DNER: variants seen among roughly 807,000 people sequenced by gnomAD.
DNER encodes delta and Notch-like epidermal growth factor-related receptor.
DNER carries 33 observed loss-of-function variants against 78.2 expected under a neutral mutation model. The ratio of observed to expected loss-of-function variants is 0.42; its 90% CI spans 0.32 to 0.56. DNER has a LOEUF of 0.56. Ranked by LOEUF, DNER falls within the 20% of genes least tolerant of loss-of-function variation. The probability of loss-of-function intolerance (pLI) is 0.11; values close to 1 mark genes in which losing one functional copy is unlikely to be tolerated. For synonymous variants in DNER, 417 were observed against 384.8 expected, an observed-to-expected ratio of 1.08 and a Z score of -0.98; for missense variants, 918 against 975.3, an observed-to-expected ratio of 0.94 and a Z score of 0.78.
intron 1 of DNER, among the ~76,000 whole-genome samples, chr2:229,663,966 T>C (rs1306397590): frequency 6.6e-6 from 1 of 152,146 alleles, no homozygotes; most frequent in African/African-American, 2.4e-5. Flanking sequence ...TGTGTGCAAT[T>C]TTTGATCTCT....
chr2:229,571,962 C>G (rs969941373), intron 4 of DNER, among the ~76,000 whole-genome samples: 1 of 152,124 alleles, frequency 6.6e-6, no homozygotes, highest in Non-Finnish European at 1.5e-5. Flanking sequence ...ACCAGCACCC[C>G]CTCCTCTACT....
chr2:229,430,880 C>T (rs1465008345), intron 8 of DNER, among the ~76,000 whole-genome samples: 2 of 151,794 alleles, frequency 1.3e-5, no homozygotes, highest in Non-Finnish European at 2.9e-5. Context: ...TAGAAAAACC[C>T]TAACTTTTTA....
chr2:229,554,935 G>GAGA lies in DNER; in HGVS notation c.848-7846_848-7844dup, dbSNP rs1459634550. Among the ~76,000 whole-genome samples the GAGA allele has an allele frequency of 3.3e-3, 174 of 52,016 alleles. 28 individuals are homozygous for GAGA. The highest frequency in any genetic ancestry group is 5.2e-3 in the Non-Finnish European group (125 of 24,166). 34.1% of individuals were successfully genotyped at this position (52,016 alleles called of 152,430 possible). ...GAGAAGAGAAGAGAAGAGAAGAGAA[G>GAGA]AGAGAAAAGGGAAGGGAAGGGAAGG... On this transcript the variant is annotated intron_variant, in intron 4 of 12. Coordinates refer to ENST00000341772, the MANE Select transcript of DNER (RefSeq NM_139072.4).
At chr2:229,487,180 C>A (rs978509984) in intron 6 of DNER, among the ~76,000 whole-genome samples, 1 of 152,150 alleles carries the variant, frequency 6.6e-6, no homozygotes, top group Admixed American at 6.5e-5. Flanking sequence ...AGGTCTTGGG[C>A]TCAATTATTG....
intron 1 of DNER, among the ~76,000 whole-genome samples, chr2:229,629,815 A>G (rs1698404781): frequency 6.6e-6 from 1 of 152,188 alleles, no homozygotes; most frequent in Admixed American, 6.5e-5. Context: ...AGGTGACTTT[A>G]TCTTTGATAG....
intron 7 of DNER, among the ~76,000 whole-genome samples, chr2:229,453,876 A>G (rs917120462): frequency 2.0e-5 from 3 of 151,260 alleles, no homozygotes; most frequent in Non-Finnish European, 4.4e-5. Context: ...GCTAAGTTTC[A>G]AGAAAGAAAG....
intron 6 of DNER, among the ~76,000 whole-genome samples, chr2:229,509,499 G>A (rs900193749): frequency 2.0e-5 from 3 of 152,250 alleles, no homozygotes; most frequent in African/African-American, 7.2e-5. Flanking sequence ...CTGCCCTCAT[G>A]TGGCTTAACA....
chr2:229,481,206 A>G (rs1479263266), intron 6 of DNER, among the ~76,000 whole-genome samples: 3 of 152,218 alleles, frequency 2.0e-5, no homozygotes, highest in Admixed American at 2.0e-4. Context: ...CGTATGGACC[A>G]TGATGGCAGG....
chr2:229,681,816 C>A (rs1313649387), intron 1 of DNER, among the ~76,000 whole-genome samples: 1 of 136,590 alleles, frequency 7.3e-6, no homozygotes, highest in Non-Finnish European at 1.6e-5. Context: ...GAATTGTATA[C>A]CTCTGCCTAA....
intron 1 of DNER, among the ~76,000 whole-genome samples, chr2:229,608,613 TG>T (rs1341612634): frequency 2.6e-5 from 4 of 152,206 alleles, no homozygotes; most frequent in African/African-American, 9.6e-5. Flanking sequence ...GAAAGGATCC[TG>T]CAGTGTCATA....
At chr2:229,408,441 C>T (rs191961542) in intron 9 of DNER, among the ~76,000 whole-genome samples, 78 of 152,248 alleles carry the variant, frequency 5.1e-4, no homozygotes, top group African/African-American at 1.7e-3. Flanking sequence ...TCTCCCTTCC[C>T]CTATCCCCAC....
At chr2:229,464,048 C>A (rs563201255) in intron 7 of DNER, among the ~76,000 whole-genome samples, 1 of 152,282 alleles carries the variant, frequency 6.6e-6, no homozygotes, top group Admixed American at 6.5e-5. Context: ...TCAGAAAAAT[C>A]TCATGGGACA....
chr2:229,484,437 C>T (rs896981462), intron 6 of DNER, among the ~76,000 whole-genome samples: 15 of 152,204 alleles, frequency 9.9e-5, no homozygotes, highest in African/African-American at 3.4e-4. Context: ...CATGCTACCC[C>T]TCTTCTGAAC....
chr2:229,407,200 A>G, intron 10 of DNER, 32 bp downstream of exon 10: 1 of 1,577,974 alleles, frequency 6.3e-7, no homozygotes, highest in Non-Finnish European at 8.7e-7. Flanking sequence ...CTTTGTGGTA[A>G]ATTTGAAAAC....
At chr2:229,562,996 TCAA>T (rs1175849005) in intron 4 of DNER, among the ~76,000 whole-genome samples, 6 of 150,708 alleles carry the variant, frequency 4.0e-5, no homozygotes, top group Non-Finnish European at 7.4e-5. Context: ...AACATCATCA[TCAA>T]CATCATCACC....
chr2:229,536,319 G>A (rs1347356456), intron 5 of DNER, among the ~76,000 whole-genome samples: 1 of 152,174 alleles, frequency 6.6e-6, no homozygotes, highest in Non-Finnish European at 1.5e-5. Flanking sequence ...ACGCATCCGT[G>A]TCCTCACCCT....
chr2:229,426,440 C>CA (rs58842918), intron 8 of DNER, among the ~76,000 whole-genome samples: 3,653 of 68,694 alleles, frequency 0.053, 182 homozygotes, highest in Middle Eastern at 0.087. Context: ...GACTCCATCT[C>CA]AAAAAAAAAA....
chr2:229,584,709 T>A (rs1248982865), intron 4 of DNER, among the ~76,000 whole-genome samples: 2 of 151,822 alleles, frequency 1.3e-5, no homozygotes, highest in Non-Finnish European at 2.9e-5. Context: ...GGCGGGTGGA[T>A]CACGAGGTCA....
At chr2:229,435,241 G>A (rs758590602) in intron 8 of DNER, among the ~76,000 whole-genome samples, 5 of 152,170 alleles carry the variant, frequency 3.3e-5, no homozygotes, top group Non-Finnish European at 7.3e-5. Context: ...AGAGAGACAT[G>A]TGGCTTAGTT....
Sources: gnomAD v4.1 joint callset for allele counts (sites outside exome capture counted in the v4.1 genomes callset) on GRCh38, gnomAD v4.1.1 for gene constraint, MANE v1.5 for transcripts, NCBI Gene and HGNC (gene_info 2026-07-23, HGNC 2026-07-21) for gene names.